PCLO: variants seen among roughly 807,000 people sequenced by gnomAD.
PCLO encodes the protein piccolo presynaptic cytomatrix protein.
Under a neutral mutation model 427.5 loss-of-function variants are expected in PCLO, and 82 were observed. The observed-to-expected ratio is 0.19, with a 90% CI of 0.16 to 0.23. The LOEUF is 0.23. Ranked by LOEUF, PCLO falls within the 10% of genes least tolerant of loss-of-function variation. The probability of loss-of-function intolerance (pLI) is 1.00; values close to 1 mark genes in which losing one functional copy is unlikely to be tolerated. For missense variants in PCLO, 6,239 were observed against 6,115.9 expected, an observed-to-expected ratio of 1.02 and a Z score of -0.67; for synonymous variants, 2,357 against 2,155.4, an observed-to-expected ratio of 1.09 and a Z score of -2.59.
chr7:83,090,241 G>A (rs1790345746), intron 3 of PCLO, among the ~76,000 whole-genome samples: 1 of 152,186 alleles, frequency 6.6e-6, no homozygotes. Context: ...GGCGGAGGTT[G>A]CCTATGTAAC....
Position 82,952,580 on chromosome 7 carries a change from G to A in PCLO, c.8373C>T (p.Ala2791=), listed in dbSNP as rs1795384132. 3 of 1,613,770 alleles carry A rather than the reference G, an allele frequency of 1.9e-6. No homozygotes were observed. The highest frequency in any genetic ancestry group is 2.5e-6 in the Non-Finnish European group (3 of 1,179,828). Residue 2791 remains alanine, a synonymous_variant, in exon 5 of 25, where the codon GCC becomes GCT. Coordinates refer to ENST00000333891, the MANE Select transcript of PCLO (RefSeq NM_033026.6). ...ATGTGACAAAGGTCACTGTCTCAGT[G>A]GCCAGAGATACAGGAGTCACTATTG... ...TSSIVTPVSL[A]TETVTFVTCT...
At chr7:82,858,402 T>C (rs1417876794) in intron 10 of PCLO, among the ~76,000 whole-genome samples, 3 of 152,132 alleles carry the variant, frequency 2.0e-5, no homozygotes, top group Non-Finnish European at 4.4e-5. Context: ...TCTAAGATGT[T>C]GGTATCCATT....
intron 3 of PCLO, among the ~76,000 whole-genome samples, chr7:82,974,972 T>C (rs942558337): frequency 6.6e-6 from 1 of 151,326 alleles, no homozygotes; most frequent in Non-Finnish European, 1.5e-5. Context: ...AGAGGCGGGG[T>C]TTCACCGTAT....
chr7:82,866,997 G>A (rs1217473313), intron 10 of PCLO, among the ~76,000 whole-genome samples: 1 of 152,100 alleles, frequency 6.6e-6, no homozygotes, highest in Non-Finnish European at 1.5e-5. Context: ...AATGCAAGCA[G>A]AGTCAACCAA....
chr7:83,036,268 C>T (rs759159602), intron 3 of PCLO, among the ~76,000 whole-genome samples: 25 of 152,046 alleles, frequency 1.6e-4, no homozygotes, highest in Non-Finnish European at 1.8e-4. Flanking sequence ...GAGCTCCATT[C>T]CCCAGAGTTT....
In PCLO at chr7:83,155,064, G is replaced by A; in HGVS notation, c.1577C>T (p.Ser526Leu). 1.9e-6 allele frequency: 3 copies of A among 1,612,834 alleles called. No homozygotes were observed. Among genetic ancestry groups the A allele is most frequent in the Non-Finnish European group, 2.5e-6 (3 of 1,179,490 alleles). The change falls in exon 2 of 25, where the codon TCA becomes TTA. Residue 526 changes from serine to leucine, a missense_variant. Physicochemically the swap from Ser to Leu is moderately radical, Grantham distance 145. Coordinates refer to ENST00000333891, the MANE Select transcript of PCLO (RefSeq NM_033026.6). ...PAKPSPQQPG[S>L]TKPPSQQPGS... ...AGGCTGTTGAGATGGGGGTTTTGTTGAGCCAGGCTGTTGAGGTGAGGGCTT... is the reference window on the plus strand; with the variant it reads ...AGGCTGTTGAGATGGGGGTTTTGTTAAGCCAGGCTGTTGAGGTGAGGGCTT...
intron 22 of PCLO, among the ~76,000 whole-genome samples, chr7:82,782,998 T>C (rs1790905839): frequency 6.6e-6 from 1 of 152,160 alleles, no homozygotes; most frequent in African/African-American, 2.4e-5. Context: ...AAAACCAGAG[T>C]GCTTCACTGA....
chr7:82,802,091 T>C (rs1271480807), intron 21 of PCLO, among the ~76,000 whole-genome samples: 1 of 151,978 alleles, frequency 6.6e-6, no homozygotes, highest in Non-Finnish European at 1.5e-5. Flanking sequence ...TCAACTCCTT[T>C]CTGTGTTTTC....
chr7:83,134,243 AAC>A lies in PCLO; in HGVS notation c.3300+5_3300+6del, dbSNP rs1791652810. ...AATATATATATATATATATATATAT[AAC>A]TTACCTCAGTCAAATGTGGTGTAGG... On this transcript the variant is annotated splice_donor_5th_base_variant and intron_variant, in intron 3 of 24. Transcript: ENST00000333891. The A allele has an allele frequency of 2.8e-6, 3 of 1,088,094 alleles. No homozygotes were observed. The highest frequency in any genetic ancestry group is 1.6e-5 in the African/African-American group (1 of 61,840). The allele number at this position is 1,088,094 out of a possible 1,614,324, so 67.4% of individuals were successfully genotyped here.
intron 22 of PCLO, among the ~76,000 whole-genome samples, chr7:82,794,061 T>C (rs918337604): frequency 6.6e-6 from 1 of 152,230 alleles, no homozygotes; most frequent in African/African-American, 2.4e-5. Context: ...CTTTTCTTTT[T>C]AAGCCTCTAT....
chr7:83,134,119 G>A, intron 3 of PCLO, 131 bp downstream of exon 3: 1 of 295,392 alleles, frequency 3.4e-6, no homozygotes, highest in South Asian at 1.6e-4. Flanking sequence ...AAACTTCTAA[G>A]ATTATCAATT....
Position 82,915,870 on chromosome 7 carries a change from T to C in PCLO, c.12116A>G (p.Asp4039Gly). The C allele has an allele frequency of 6.2e-7, 1 of 1,613,620 alleles. No individual in the cohort carries two copies. The highest frequency in any genetic ancestry group is 2.2e-5 in the East Asian group (1 of 44,816). Residue 4039 changes from aspartate (D) to glycine (G), a missense_variant, in exon 7 of 25, where the codon GAT (aspartate) becomes GGT (glycine). Physicochemically the swap from Asp to Gly is moderately conservative, Grantham distance 94. This residue lies in a region of PCLO where 680 missense variants were observed against 677.3 expected (regional missense o/e 1.00). Transcript: ENST00000333891. ...GACATAATTTCGTGGAGTATGGTGA[T>C]CAATATCTGCATAGAAAGAATCTGC... ...ISADSFYADI[D>G]HHTPRNYVLI...
rs367854891 is a variant in PCLO, at chr7:82,950,650, C to T, written c.9938G>A (p.Arg3313Gln). 1.6e-5 allele frequency: 26 copies of T among 1,613,560 alleles called. No homozygotes were observed. The highest frequency in any genetic ancestry group is 2.0e-5 in the Non-Finnish European group (24 of 1,179,786). ...LHQQLEEQKI[R>Q]QIYQYNYDPS... ...GTCATAGTTATACTGGTAGATCTGCCGAATCTTTTGCTCCTCCAGCTGCTG... is the reference window on the plus strand; with the variant it reads ...GTCATAGTTATACTGGTAGATCTGCTGAATCTTTTGCTCCTCCAGCTGCTG... Residue 3313 changes from arginine to glutamine, a missense_variant, in exon 6 of 25, where the codon CGG becomes CAG. Physicochemically the swap from Arg to Gln is conservative, Grantham distance 43. Transcript: ENST00000333891.
At chr7:82,993,473 T>G (rs1796424316) in intron 3 of PCLO, among the ~76,000 whole-genome samples, 1 of 152,014 alleles carries the variant, frequency 6.6e-6, no homozygotes, top group Non-Finnish European at 1.5e-5. Context: ...CTGCCACTTA[T>G]TAGTAGTTTA....
intron 3 of PCLO, among the ~76,000 whole-genome samples, chr7:83,016,868 A>T (rs2116030482): frequency 6.6e-6 from 1 of 152,224 alleles, no homozygotes; most frequent in East Asian, 1.9e-4. Flanking sequence ...TAGGCTGTGC[A>T]AAAAACTAGC....
chr7:83,079,500 C>A (rs564571178), intron 3 of PCLO, among the ~76,000 whole-genome samples: 2 of 150,504 alleles, frequency 1.3e-5, no homozygotes, highest in Non-Finnish European at 1.5e-5. Context: ...CACTTCCTTC[C>A]GATTTCCAGT....
chr7:83,045,470 T>C (rs931804690), intron 3 of PCLO, among the ~76,000 whole-genome samples: 3 of 152,146 alleles, frequency 2.0e-5, no homozygotes, highest in Non-Finnish European at 4.4e-5. Context: ...CTGGAACACA[T>C]ATTACTTTTT....
chr7:82,915,908 T>C lies in PCLO; in HGVS notation c.12078A>G (p.Ile4026Met). 6.2e-7 allele frequency: 1 copy of C among 1,613,466 alleles called. No individual in the cohort carries two copies. ...AGAAAGAATCTGCAGATATGCTTGA[T>C]ATTGGACTGCTTGCCATGCTACTTC... ...EERSSMASSP[I>M]SSISADSFYA... The change falls in exon 7 of 25, where the codon ATA becomes ATG. Residue 4026 changes from isoleucine (I) to methionine (M), a missense_variant. By Grantham distance (10) the Ile-to-Met change is conservative. This residue lies in a region of PCLO where 680 missense variants were observed against 677.3 expected (regional missense o/e 1.00). Transcript: ENST00000333891.
At chr7:83,161,798 AT>A (rs1792443847) in intron 1 of PCLO, among the ~76,000 whole-genome samples, 1 of 152,234 alleles carries the variant, frequency 6.6e-6, no homozygotes, top group African/African-American at 2.4e-5. Context: ...CTCAATGAAT[AT>A]AAAAGGTATA....
Sources: allele counts gnomAD v4.1 joint callset (sites outside exome capture counted in the v4.1 genomes callset), GRCh38; gene constraint gnomAD v4.1.1; regional missense constraint gnomAD v4.1.1; transcripts MANE v1.5; gene names NCBI Gene and HGNC (gene_info 2026-07-23, HGNC 2026-07-21).